The following MTMR9 variants were observed in gnomAD, a reference collection of about 807,000 sequenced individuals.
MTMR9 encodes myotubularin-related protein 9.
Under a neutral mutation model 69.5 loss-of-function variants are expected in MTMR9, and 39 were observed. The observed-to-expected ratio is 0.56, with a 90% confidence interval of 0.43 to 0.73. The LOEUF (loss-of-function observed/expected upper bound fraction) is 0.73. Among genes scored for constraint, MTMR9 ranks in the 30% least tolerant of loss-of-function variants. The pLI is 0.00. For missense variants in MTMR9, 900 were observed against 671.2 expected (o/e 1.34, Z -3.77); for synonymous variants, 354 against 240.8 (o/e 1.47, Z -4.35).
At chr8:11,320,730 C>G (rs1277810533) in intron 9 of MTMR9, 1 of 152,006 alleles carries the variant, frequency 6.6e-6, no homozygotes, top group Non-Finnish European at 1.5e-5. Flanking sequence ...GAGACTTTCT[C>G]AAAAAGATAA....
the MTMR9 span, among the ~76,000 whole-genome samples, chr8:11,336,913 A>T: frequency 6.6e-6 from 1 of 152,206 alleles, no homozygotes; most frequent in African/African-American, 2.4e-5. Flanking sequence ...TAGCTTGGAA[A>T]GTCAGATAAC....
In MTMR9 at chr8:11,300,017, C is replaced by A. The variant is rs549415840; in HGVS notation, c.292-6C>A. On this transcript the variant is annotated splice_region_variant and splice_polypyrimidine_tract_variant and intron_variant, in intron 2 of 9. Transcript: ENST00000221086. ...TTTTTTGTCTTTCTTTTCTTTTTGC[C>A]CCCAGGCATTGTCTACTCTGGACTC... 27 of 1,602,068 alleles carry A rather than the reference C, an allele frequency of 1.7e-5. No homozygotes were observed. Among genetic ancestry groups the A allele is most frequent in the Non-Finnish European group, 2.0e-5 (24 of 1,175,988 alleles).
At chr8:11,332,303 G>T (rs752303835), downstream of MTMR9, 5 of 1,091,848 alleles carry the variant, frequency 4.6e-6, no homozygotes, top group Non-Finnish European at 6.2e-6. Flanking sequence ...ATATCACAAA[G>T]CATGCAAACA....
chr8:11,335,845 C>A, the MTMR9 span, among the ~76,000 whole-genome samples: 2 of 152,096 alleles, frequency 1.3e-5, no homozygotes, highest in Non-Finnish European at 2.9e-5. Context: ...TGGATTATAT[C>A]GCACCCTAAT....
rs73665045 is a variant in MTMR9 at position 11,290,615 on chromosome 8, C to T, written c.183-4579C>T. Among the ~76,000 whole-genome samples the T allele has an allele frequency of 1.6e-3, 239 of 152,180 alleles. 1 individual carries two copies. Among genetic ancestry groups the T allele is most frequent in the African/African-American group, 5.6e-3 (231 of 41,522 alleles). On this transcript the variant is annotated intron_variant, in intron 1 of 9. Coordinates refer to ENST00000221086, the MANE Select transcript of MTMR9 (RefSeq NM_015458.4). ...TTTAGGTCTTTAATTTGGATTCTATCTTTGTTTCAAGTGTGATAAGAACCT... is the reference window on the plus strand; with the variant it reads ...TTTAGGTCTTTAATTTGGATTCTATTTTTGTTTCAAGTGTGATAAGAACCT...
chr8:11,332,299 CA>C, downstream of MTMR9: 1 of 1,093,080 alleles, frequency 9.1e-7, no homozygotes, highest in Non-Finnish European at 1.2e-6. Context: ...AAAAATATCA[CA>C]AAGCATGCAA....
intron 1 of MTMR9, 42 bp downstream of exon 1, chr8:11,285,112 T>A: frequency 6.7e-7 from 1 of 1,489,584 alleles, no homozygotes; most frequent in African/African-American, 1.4e-5. Context: ...GAGCCGGGGG[T>A]CCCTTGTGGG....
chr8:11,307,352 A>G (rs1445619859), intron 5 of MTMR9, among the ~76,000 whole-genome samples: 1 of 152,188 alleles, frequency 6.6e-6, no homozygotes, highest in African/African-American at 2.4e-5. Context: ...AATTACAGGC[A>G]TGAGCCACTG....
intron 8 of MTMR9, chr8:11,317,329 G>C (rs550218314): frequency 6.6e-6 from 1 of 152,660 alleles, no homozygotes; most frequent in East Asian, 1.9e-4. Flanking sequence ...TTTGGCACCA[G>C]GGACCAGTTT....
downstream of MTMR9, among the ~76,000 whole-genome samples, chr8:11,329,928 G>A (rs1244039806): frequency 2.1e-5 from 3 of 146,080 alleles, no homozygotes; most frequent in African/African-American, 5.1e-5. Context: ...GCCCGGCTGC[G>A]ACCCCGTCTG....
intron 2 of MTMR9, 100 bp from the exon 3 acceptor site, chr8:11,299,923 T>A: frequency 7.4e-7 from 1 of 1,350,060 alleles, no homozygotes; most frequent in Non-Finnish European, 1.0e-6. Flanking sequence ...TGGGTGCCCA[T>A]CATTATTAGA....
At chr8:11,296,671 A>C (rs889511460) in intron 2 of MTMR9, among the ~76,000 whole-genome samples, 7 of 152,208 alleles carry the variant, frequency 4.6e-5, no homozygotes, top group Non-Finnish European at 7.3e-5. Flanking sequence ...TTTTTCACTT[A>C]GCATAATATC....
Position 11,326,395 on chromosome 8 carries a change from C to T in MTMR9, c.*3607C>T, listed in dbSNP as rs527731597. 2.0e-5 allele frequency: 3 copies of T among 152,292 alleles called. No homozygotes were observed. Among genetic ancestry groups the T allele is most frequent in the African/African-American group, 7.2e-5 (3 of 41,558 alleles). 9.4% of individuals were successfully genotyped at this position (152,292 alleles called of 1,614,324 possible). On this transcript the variant is annotated 3_prime_UTR_variant, in exon 10 of 10. Coordinates refer to ENST00000221086, the MANE Select transcript of MTMR9 (RefSeq NM_015458.4). Reference sequence around the variant, plus strand: ...CTGGACCAGAAATGGGCAATAGTTACAATAGTTGATCCTCTGTTCTGGAAG... The same window carrying T: ...CTGGACCAGAAATGGGCAATAGTTATAATAGTTGATCCTCTGTTCTGGAAG...
intron 1 of MTMR9, among the ~76,000 whole-genome samples, chr8:11,292,476 A>G (rs932778394): frequency 9.9e-5 from 15 of 152,080 alleles, no homozygotes; most frequent in Non-Finnish European, 1.6e-4. Flanking sequence ...TGAGAGTTCT[A>G]TTTCCTCCAC....
At chr8:11,331,257 G>C (rs778498438), downstream of MTMR9, 197 of 1,613,796 alleles carry the variant, frequency 1.2e-4, 1 homozygote, top group Non-Finnish European at 1.6e-4. Context: ...GGGCCTGCCT[G>C]CTGGCTTCGT....
intron 1 of MTMR9, among the ~76,000 whole-genome samples, chr8:11,289,055 C>A (rs1799288009): frequency 6.6e-6 from 1 of 151,990 alleles, no homozygotes; most frequent in Non-Finnish European, 1.5e-5. Flanking sequence ...GTCTCTGATC[C>A]CAGCTACTCA....
intron 2 of MTMR9, chr8:11,298,664 C>T (rs1212373136): frequency 4.2e-6 from 3 of 719,794 alleles, no homozygotes; most frequent in South Asian, 6.3e-5. Flanking sequence ...GTGAATGTCT[C>T]CATCATTCCT....
At chr8:11,293,150 G>A (rs1475866890) in intron 1 of MTMR9, among the ~76,000 whole-genome samples, 2 of 152,152 alleles carry the variant, frequency 1.3e-5, no homozygotes, top group African/African-American at 4.8e-5. Context: ...ATGTGGAGAT[G>A]GAAGACAGTG....
At chr8:11,313,697 A>T (rs1800295768) in intron 6 of MTMR9, among the ~76,000 whole-genome samples, 1 of 152,242 alleles carries the variant, frequency 6.6e-6, no homozygotes, top group Non-Finnish European at 1.5e-5. Context: ...TTAGTGGAGC[A>T]GTGAGAACAC....
Sources: allele counts gnomAD v4.1 joint callset (sites outside exome capture counted in the v4.1 genomes callset), GRCh38; gene constraint gnomAD v4.1.1; transcripts MANE v1.5; gene names NCBI Gene and HGNC (gene_info 2026-07-23, HGNC 2026-07-21).